The following TECTB variants were observed in gnomAD, a reference collection of about 807,000 sequenced individuals.
TECTB encodes the protein beta-tectorin.
A neutral mutation model predicts 43.3 loss-of-function variants in TECTB; 45 were observed. That is an observed-to-expected ratio of 1.04 (90% CI 0.82 to 1.33). The LOEUF is 1.33. Ranked by LOEUF, TECTB falls within the 40% of genes most tolerant of loss-of-function variation. TECTB has a pLI of 0.00. For missense variants in TECTB, 399 were observed against 404.7 expected (o/e 0.99, Z 0.12); for synonymous variants, 169 against 156.7 (o/e 1.08, Z -0.59).
intron 7 of TECTB, among the ~76,000 whole-genome samples, chr10:112,297,621 C>T (rs1848560155): frequency 6.6e-6 from 1 of 152,114 alleles, no homozygotes; most frequent in Non-Finnish European, 1.5e-5. Flanking sequence ...ATTTTCAATG[C>T]AAAACCTCAC....
chr10:112,287,745 T>A (rs769476887), intron 5 of TECTB, among the ~76,000 whole-genome samples: 1 of 152,184 alleles, frequency 6.6e-6, no homozygotes, highest in African/African-American at 2.4e-5. Flanking sequence ...GTGGCCAGTC[T>A]GGAACACAGA....
intron 5 of TECTB, among the ~76,000 whole-genome samples, chr10:112,290,979 C>T (rs559555494): frequency 6.6e-6 from 1 of 152,188 alleles, no homozygotes; most frequent in South Asian, 2.1e-4. Context: ...GTAAAGTCCA[C>T]TTTATTTTAT....
chr10:112,299,530 C>G lies in TECTB; in HGVS notation c.873C>G (p.Thr291=), dbSNP rs1318475534. 25 of 1,614,166 alleles carry G rather than the reference C, an allele frequency of 1.5e-5. No homozygotes were observed. Among genetic ancestry groups the G allele is most frequent in the South Asian group, 2.2e-5 (2 of 91,082 alleles). ...GGAAGCGCCTCCTGCGAGACCAGAC[C>G]GGGGGAGTCCTGGTCGTGGAGCTCT... ...DKRKRLLRDQ[T]GGVLVVELSL... The change falls in exon 9 of 11, where the codon ACC becomes ACG. Residue 291 remains threonine (T), a synonymous_variant. Coordinates refer to ENST00000646139, the MANE Select transcript of TECTB (RefSeq NM_058222.3).
chr10:112,284,444 C>A, intron 2 of TECTB, 91 bp from the exon 3 acceptor site: 1 of 1,278,994 alleles, frequency 7.8e-7, no homozygotes, highest in African/African-American at 1.5e-5. Context: ...ACTGCTTTTG[C>A]ATGCTCAGGT....
chr10:112,294,501 C>T (rs765157165), intron 7 of TECTB, among the ~76,000 whole-genome samples: 1 of 152,062 alleles, frequency 6.6e-6, no homozygotes, highest in Non-Finnish European at 1.5e-5. Flanking sequence ...ATTAAATAAT[C>T]GATATCAAAA....
chr10:112,297,186 T>A (rs1197833555), intron 7 of TECTB, among the ~76,000 whole-genome samples: 4 of 152,148 alleles, frequency 2.6e-5, no homozygotes, highest in Non-Finnish European at 5.9e-5. Flanking sequence ...GGCTGTGCTG[T>A]GCACTGTAGG....
chr10:112,300,662 A>G (rs1406373297), intron 9 of TECTB, among the ~76,000 whole-genome samples: 2 of 152,230 alleles, frequency 1.3e-5, no homozygotes, highest in Non-Finnish European at 2.9e-5. Context: ...GAGCACCCAC[A>G]TGATGCTCAA....
chr10:112,304,504 A>G lies in TECTB; in HGVS notation c.*1192A>G, dbSNP rs1848636738. ...ACTGAATGAACCAATTCTGGTAGAG[A>G]ATTGGCTGGATTGTGATAGGAAAAG... On this transcript the variant is annotated 3_prime_UTR_variant, in exon 11 of 11. Transcript: ENST00000646139. 2 of 152,208 alleles carry G rather than the reference A, an allele frequency of 1.3e-5. No individual in the cohort carries two copies. The highest frequency in any genetic ancestry group is 6.5e-5 in the Admixed American group (1 of 15,288). The allele number at this position is 152,208 out of a possible 1,614,324, so 9.4% of individuals were successfully genotyped here. A position where few individuals can be genotyped will look rare whatever the true frequency, so the allele number is the denominator to read the frequency against.
Position 112,303,262 on chromosome 10 carries a change from G to A in TECTB, c.941-1G>A. 1.2e-6 allele frequency: 2 copies of A among 1,614,108 alleles called. No homozygotes were observed. Among genetic ancestry groups the A allele is most frequent in the Non-Finnish European group, 1.7e-6 (2 of 1,179,996 alleles). On this transcript the variant is annotated splice_acceptor_variant, in intron 10 of 10. Coordinates refer to ENST00000646139, the MANE Select transcript of TECTB (RefSeq NM_058222.3). LOFTEE classifies it high-confidence loss of function. ...CATCTCCCTCCCCTTCTGGTCCACA[G>A]ATGTTCTCCACCACCTCATCATGAT... is the stretch of plus-strand genomic sequence containing the variant.
rs1244011163 is a variant in TECTB at position 112,284,614 on chromosome 10, G to C, written c.156G>C (p.Gln52His). 1.3e-5 allele frequency: 21 copies of C among 1,613,858 alleles called. No individual in the cohort carries two copies. Among genetic ancestry groups the C allele is most frequent in the Non-Finnish European group, 1.6e-5 (19 of 1,179,870 alleles). ...GTCCCTATGGATGGGAAGTTCATCA[G>C]CTGGCCCTCGGAGGGCTGTGTTACA... ...PECPYGWEVH[Q>H]LALGGLCYNG... The change falls in exon 3 of 11, where the codon CAG becomes CAC. Residue 52 changes from glutamine to histidine, a missense_variant. Gln to His is a conservative substitution (Grantham distance 24). Coordinates refer to ENST00000646139, the MANE Select transcript of TECTB (RefSeq NM_058222.3).
In TECTB at chr10:112,299,504, C is replaced by T. The variant is rs749752356; in HGVS notation, c.847C>T (p.Arg283Trp). ...TCTGGGTCTTCAGACCTGCGATAAACGGAAGCGCCTCCTGCGAGACCAGAC... is the reference window on the plus strand; with the variant it reads ...TCTGGGTCTTCAGACCTGCGATAAATGGAAGCGCCTCCTGCGAGACCAGAC... Reference protein sequence around the residue: ...KLSCPVTCDKRKRLLRDQTGG... With the variant: ...KLSCPVTCDKWKRLLRDQTGG... Residue 283 changes from arginine (R) to tryptophan (W), a missense_variant, in exon 9 of 11, where the codon CGG becomes TGG. Arg to Trp is a moderately radical substitution (Grantham distance 101). Coordinates refer to ENST00000646139, the MANE Select transcript of TECTB (RefSeq NM_058222.3). 26 of 1,614,094 alleles carry T rather than the reference C, an allele frequency of 1.6e-5. No individual in the cohort carries two copies. Among genetic ancestry groups the T allele is most frequent in the Middle Eastern group, 1.6e-4 (1 of 6,084 alleles).
intron 2 of TECTB, 66 bp from the exon 3 acceptor site, chr10:112,284,469 C>A: frequency 7.0e-7 from 1 of 1,425,390 alleles, no homozygotes; most frequent in Middle Eastern, 1.9e-4. Context: ...CTGGAATCCA[C>A]TGTTCGTTAC....
At chr10:112,301,015 C>T (rs1490992320) in intron 9 of TECTB, among the ~76,000 whole-genome samples, 1 of 152,256 alleles carries the variant, frequency 6.6e-6, no homozygotes, top group Non-Finnish European at 1.5e-5. Flanking sequence ...GGCCAAGGGC[C>T]AAGGCCCAGG....
intron 5 of TECTB, among the ~76,000 whole-genome samples, chr10:112,292,520 C>T (rs1848507611): frequency 6.6e-6 from 1 of 152,096 alleles, no homozygotes; most frequent in Non-Finnish European, 1.5e-5. Flanking sequence ...TGGCAACCTC[C>T]ACCTCCCAGG....
At chr10:112,298,715 C>G (rs1357200912) in intron 8 of TECTB, among the ~76,000 whole-genome samples, 1 of 152,190 alleles carries the variant, frequency 6.6e-6, no homozygotes, top group African/African-American at 2.4e-5. Flanking sequence ...TGCAGAAATT[C>G]CCGACACTGG....
chr10:112,303,965 T>C lies in TECTB; in HGVS notation c.*653T>C, dbSNP rs1391041456. 2.0e-5 allele frequency: 3 copies of C among 152,264 alleles called. No individual in the cohort carries two copies. The highest frequency in any genetic ancestry group is 4.1e-4 in the South Asian group (2 of 4,834). The allele number at this position is 152,264 out of a possible 1,614,324, so 9.4% of individuals were successfully genotyped here. A position where few individuals can be genotyped will look rare whatever the true frequency, so the allele number is the denominator to read the frequency against. On this transcript the variant is annotated 3_prime_UTR_variant, in exon 11 of 11. Coordinates refer to ENST00000646139, the MANE Select transcript of TECTB (RefSeq NM_058222.3). ...ATTTGTTAAATATATAAACATGATATAGGTAGAAACTCCTTGTTTTTATAG... is the reference window on the plus strand; with the variant it reads ...ATTTGTTAAATATATAAACATGATACAGGTAGAAACTCCTTGTTTTTATAG...
chr10:112,297,222 G>A (rs997515061), intron 7 of TECTB, among the ~76,000 whole-genome samples: 2 of 152,076 alleles, frequency 1.3e-5, no homozygotes, highest in African/African-American at 4.8e-5. Flanking sequence ...CCTGGTCTCC[G>A]CCCACTCACT....
At chr10:112,287,339 A>G (rs1423318532) in intron 5 of TECTB, among the ~76,000 whole-genome samples, 1 of 152,242 alleles carries the variant, frequency 6.6e-6, no homozygotes, top group Non-Finnish European at 1.5e-5. Context: ...CCATTTGCCC[A>G]GCTGCTCTCC....
chr10:112,289,904 T>G (rs550089310), intron 5 of TECTB, among the ~76,000 whole-genome samples: 14 of 152,224 alleles, frequency 9.2e-5, no homozygotes, highest in African/African-American at 3.4e-4. Flanking sequence ...CCGAGATGTT[T>G]CCACATGAAC....
Sources: allele counts gnomAD v4.1 joint callset (sites outside exome capture counted in the v4.1 genomes callset), GRCh38; gene constraint gnomAD v4.1.1; transcripts MANE v1.5; gene names NCBI Gene and HGNC (gene_info 2026-07-23, HGNC 2026-07-21).